The following SDK1 variants were observed in gnomAD, a reference collection of about 807,000 sequenced individuals.
SDK1 encodes sidekick cell adhesion molecule 1.
SDK1 carries 157 observed loss-of-function variants against 245.5 expected under a neutral mutation model. The observed-to-expected ratio is 0.64, with a 90% CI of 0.56 to 0.73. The LOEUF (loss-of-function observed/expected upper bound fraction) is 0.73, where lower values mean the gene tolerates loss of function less well. Among genes scored for constraint, SDK1 ranks in the 30% least tolerant of loss-of-function variants. The pLI is 0.00. For missense variants in SDK1, 3,583 were observed against 3,002.3 expected (o/e 1.19, Z -4.52); for synonymous variants, 1,647 against 1,278.5 (o/e 1.29, Z -6.15).
At chr7:4,164,734 C>T (rs1276876944) in intron 32 of SDK1, among the ~76,000 whole-genome samples, 1 of 152,188 alleles carries the variant, frequency 6.6e-6, no homozygotes, top group Non-Finnish European at 1.5e-5. Flanking sequence ...CGGTGCAGGG[C>T]TCGAGCTCCC....
At chr7:3,785,301 T>C (rs1394805834) in intron 4 of SDK1, among the ~76,000 whole-genome samples, 3 of 152,144 alleles carry the variant, frequency 2.0e-5, no homozygotes, top group Admixed American at 6.5e-5. Context: ...TAGTTAATAA[T>C]AGAGAATTGT....
chr7:3,864,164 C>G (rs956496033), intron 5 of SDK1, among the ~76,000 whole-genome samples: 2 of 152,176 alleles, frequency 1.3e-5, no homozygotes, highest in South Asian at 4.1e-4. Flanking sequence ...GTAGGCTGGT[C>G]TATTTTTCAT....
chr7:3,944,108 G>A (rs998815980), intron 5 of SDK1, among the ~76,000 whole-genome samples: 8 of 152,206 alleles, frequency 5.3e-5, no homozygotes, highest in African/African-American at 1.9e-4. Flanking sequence ...GCTTAACAGA[G>A]CACAACCAGT....
intron 4 of SDK1, among the ~76,000 whole-genome samples, chr7:3,738,068 G>A (rs1310742805): frequency 6.6e-6 from 1 of 152,192 alleles, no homozygotes; most frequent in Admixed American, 6.6e-5. Flanking sequence ...CTCCTCTTCT[G>A]CCGTCTTTCT....
At chr7:3,591,869 G>A (rs973775950) in intron 1 of SDK1, among the ~76,000 whole-genome samples, 1 of 152,206 alleles carries the variant, frequency 6.6e-6, no homozygotes, top group African/African-American at 2.4e-5. Flanking sequence ...GAGTGCATAA[G>A]GATCAGATAC....
At chr7:3,541,859 C>T (rs142833435) in intron 1 of SDK1, among the ~76,000 whole-genome samples, 5 of 152,068 alleles carry the variant, frequency 3.3e-5, no homozygotes, top group African/African-American at 1.2e-4. Flanking sequence ...GCTAAATGCC[C>T]TCTTATGTTT....
chr7:3,821,554 C>G lies in SDK1; in HGVS notation c.818C>G (p.Thr273Arg), dbSNP rs1057253897. Residue 273 changes from threonine to arginine, a missense_variant, in exon 5 of 45, where the codon ACA (threonine) becomes AGA (arginine). Physicochemically the swap from Thr to Arg is moderately conservative, Grantham distance 71. Transcript: ENST00000404826. The part of the protein sequence containing the change: ...AVNEKNGENK[T>R]SPFIHLSIAR... ...AATGAGAAAAATGGAGAAAACAAGA[C>G]AAGCCCATTCATTCATTTGAGCATA... The G allele has an allele frequency of 1.9e-6, 3 of 1,613,806 alleles. No homozygotes were observed. The highest frequency in any genetic ancestry group is 1.7e-5 in the Admixed American group (1 of 59,982).
chr7:3,592,113 C>T (rs1195392255), intron 1 of SDK1, among the ~76,000 whole-genome samples: 1 of 152,172 alleles, frequency 6.6e-6, no homozygotes, highest in African/African-American at 2.4e-5. Flanking sequence ...GTATTTCAAC[C>T]TGATTACTGC....
At chr7:3,534,697 G>A (rs1277481460) in intron 1 of SDK1, among the ~76,000 whole-genome samples, 1 of 152,176 alleles carries the variant, frequency 6.6e-6, no homozygotes, top group Non-Finnish European at 1.5e-5. Context: ...CAGGTGTTAA[G>A]AAATTACTTA....
chr7:3,801,242 A>G (rs1172185485), intron 4 of SDK1, among the ~76,000 whole-genome samples: 1 of 152,234 alleles, frequency 6.6e-6, no homozygotes, highest in Non-Finnish European at 1.5e-5. Flanking sequence ...TTTCATCAAT[A>G]TAACCTTTCC....
intron 4 of SDK1, among the ~76,000 whole-genome samples, chr7:3,777,329 C>CT (rs1780597186): frequency 6.6e-6 from 1 of 152,160 alleles, no homozygotes; most frequent in South Asian, 2.1e-4. Flanking sequence ...ATTCCTAAGC[C>CT]TTTTTCCAAA....
intron 1 of SDK1, among the ~76,000 whole-genome samples, chr7:3,393,666 T>A (rs1781818868): frequency 6.6e-6 from 1 of 152,204 alleles, no homozygotes; most frequent in Non-Finnish European, 1.5e-5. Flanking sequence ...TCAGTTACAT[T>A]TTTCAACTCC....
chr7:3,417,291 G>A (rs1779399921), intron 1 of SDK1, among the ~76,000 whole-genome samples: 1 of 152,162 alleles, frequency 6.6e-6, no homozygotes, highest in Non-Finnish European at 1.5e-5. Context: ...ACAAATAGAG[G>A]TGGGACATGG....
intron 1 of SDK1, among the ~76,000 whole-genome samples, chr7:3,447,271 A>G (rs566154273): frequency 6.6e-6 from 1 of 152,332 alleles, no homozygotes; most frequent in Admixed American, 6.5e-5. Context: ...AACAATTGGA[A>G]TGATTAACAT....
intron 35 of SDK1, among the ~76,000 whole-genome samples, chr7:4,193,764 C>G (rs1783376826): frequency 6.6e-6 from 1 of 152,162 alleles, no homozygotes; most frequent in Non-Finnish European, 1.5e-5. Context: ...AGACTTGAGA[C>G]TCAGTATCTG....
intron 20 of SDK1, among the ~76,000 whole-genome samples, chr7:4,075,981 A>G (rs1584038493): frequency 6.6e-6 from 1 of 152,246 alleles, no homozygotes; most frequent in East Asian, 1.9e-4. Flanking sequence ...CCCAAGTCAC[A>G]GTGGAATCCC....
intron 26 of SDK1, among the ~76,000 whole-genome samples, chr7:4,129,134 G>A (rs2128197921): frequency 7.2e-6 from 1 of 139,846 alleles, no homozygotes; most frequent in East Asian, 2.1e-4. Context: ...GGGGTCCCCT[G>A]GAGGAGAGCA....
chr7:3,590,882 A>G (rs1052037664), intron 1 of SDK1, among the ~76,000 whole-genome samples: 9 of 151,490 alleles, frequency 5.9e-5, no homozygotes, highest in African/African-American at 2.2e-4. Flanking sequence ...TCCCAGGCTC[A>G]AGCGATCCTC....
intron 1 of SDK1, among the ~76,000 whole-genome samples, chr7:3,498,772 T>A (rs992473214): frequency 6.6e-5 from 10 of 151,572 alleles, no homozygotes; most frequent in African/African-American, 2.4e-4. Context: ...ATATACATTC[T>A]CATCCACAAT....
Sources: allele counts gnomAD v4.1 joint callset (sites outside exome capture counted in the v4.1 genomes callset), GRCh38; gene constraint gnomAD v4.1.1; transcripts MANE v1.5; gene names NCBI Gene and HGNC (gene_info 2026-07-23, HGNC 2026-07-21).